Variants in USP24 observed in about 807,000 individuals in gnomAD.
USP24 encodes ubiquitin specific peptidase 24.
USP24 carries 97 observed loss-of-function variants against 361.6 expected under a neutral mutation model. The observed-to-expected ratio is 0.27, with a 90% CI of 0.23 to 0.32. The LOEUF is 0.32. Among genes scored for constraint, USP24 ranks in the 10% least tolerant of loss-of-function variants. The pLI, the probability that USP24 is intolerant of heterozygous loss-of-function variation, is 1.00. For synonymous variants in USP24, 1,098 were observed against 1,124.6 expected (o/e 0.98, Z 0.47); for missense variants, 2,353 against 3,165.6 (o/e 0.74, Z 6.16).
chr1:55,115,175 G>A (rs920764139), intron 38 of USP24, among the ~76,000 whole-genome samples: 10 of 151,970 alleles, frequency 6.6e-5, no homozygotes, highest in African/African-American at 9.7e-5. Context: ...AATCAAAACC[G>A]CAATGAGATA....
At chr1:55,089,863 G>T in intron 54 of USP24, 123 bp from the exon 55 acceptor site, 1 of 645,502 alleles carries the variant, frequency 1.5e-6, no homozygotes. Flanking sequence ...GTCTCTCGTG[G>T]GTAGAGTGGA....
intron 38 of USP24, among the ~76,000 whole-genome samples, chr1:55,113,744 A>G (rs1029955758): frequency 6.6e-6 from 1 of 152,140 alleles, no homozygotes; most frequent in Non-Finnish European, 1.5e-5. Context: ...TAAACTAGGT[A>G]TTGATGGAAC....
intron 56 of USP24, 34 bp downstream of exon 56, chr1:55,085,908 A>G (rs776687595): frequency 4.4e-6 from 7 of 1,581,862 alleles, no homozygotes; most frequent in Non-Finnish European, 5.2e-6. Context: ...GTAAAAACAC[A>G]GTGTATAAAT....
In USP24 at chr1:55,120,726, T is replaced by C. The variant is rs1271011153; in HGVS notation, c.4378A>G (p.Thr1460Ala). The C allele has an allele frequency of 6.4e-7, 1 of 1,573,482 alleles. No homozygotes were observed. ...GCTGATGTGTCTGTCTGACTAAGAG[T>C]GTACAGCTGATCACAGGCAACCCGG... ...IRRVACDQLYTLSQTDTSAHP... is the reference protein window; with the variant it reads ...IRRVACDQLYALSQTDTSAHP... Residue 1460 changes from threonine to alanine, a missense_variant, in exon 38 of 68, where the codon ACT (threonine) becomes GCT (alanine). Coordinates refer to ENST00000294383, the MANE Select transcript of USP24 (RefSeq NM_015306.3).
chr1:55,128,880 AT>A (rs1308567553), intron 32 of USP24, among the ~76,000 whole-genome samples: 2 of 151,298 alleles, frequency 1.3e-5, no homozygotes, highest in African/African-American at 4.9e-5. Flanking sequence ...ACACTCAACT[AT>A]TTTTTTATTT....
In USP24 at chr1:55,214,939, C is replaced by T. The variant is rs1298927281; in HGVS notation, c.175G>A (p.Gly59Ser). ...DYGGYEPMDS[G>S]GGPSPGPGGG... ...CCGGGCCCGGGGCTGGGGCCACCGCCGCTGTCCATGGGCTCGTAGCCGCCG... is the reference window on the plus strand; with the variant it reads ...CCGGGCCCGGGGCTGGGGCCACCGCTGCTGTCCATGGGCTCGTAGCCGCCG... The change falls in exon 1 of 68, where the codon GGC (glycine) becomes AGC (serine). Residue 59 changes from glycine (G) to serine (S), a missense_variant. This residue lies in a region of USP24 where 253 missense variants were observed against 255.3 expected (regional missense o/e 0.99). Transcript: ENST00000294383. 6 of 1,385,998 alleles carry T rather than the reference C, an allele frequency of 4.3e-6. 1 individual carries two copies. In the South Asian group the frequency reaches 9.0e-5, roughly 21 times the overall value. The allele number at this position is 1,385,998 out of a possible 1,614,324, so 85.9% of individuals were successfully genotyped here. A position where few individuals can be genotyped will look rare whatever the true frequency, so the allele number is the denominator to read the frequency against.
At chr1:55,129,327 A>G in intron 32 of USP24, 150 bp downstream of exon 32, 1 of 536,594 alleles carries the variant, frequency 1.9e-6, no homozygotes, top group South Asian at 3.5e-5. Flanking sequence ...AAATATTTTA[A>G]AGGACTGAAA....
chr1:55,071,955 G>C, intron 66 of USP24, 31 bp from the exon 67 acceptor site: 1 of 1,571,936 alleles, frequency 6.4e-7, no homozygotes, highest in South Asian at 1.2e-5. Context: ...AGACGACAAA[G>C]TTAGGGCCCA....
At chr1:55,214,096 C>A (rs1176605041) in intron 1 of USP24, among the ~76,000 whole-genome samples, 1 of 152,026 alleles carries the variant, frequency 6.6e-6, no homozygotes, top group Non-Finnish European at 1.5e-5. Context: ...GGCCTCCCAC[C>A]TCTGCCCTCT....
chr1:55,075,540 CA>C lies in USP24; in HGVS notation c.7381-18del. ...TTCAATAACCTGGGAAAGGAAGAAA[CA>C]AAAATTAGTAAATAAAAGAAGGAAC... On this transcript the variant is annotated intron_variant, in intron 62 of 67. Coordinates refer to ENST00000294383, the MANE Select transcript of USP24 (RefSeq NM_015306.3). 1 of 1,573,682 alleles carries C rather than the reference CA, an allele frequency of 6.4e-7. No homozygotes were observed. The highest frequency in any genetic ancestry group is 8.6e-7 in the Non-Finnish European group (1 of 1,160,118).
At chr1:55,136,321 G>A (rs1298980027) in intron 28 of USP24, among the ~76,000 whole-genome samples, 2 of 152,114 alleles carry the variant, frequency 1.3e-5, no homozygotes, top group Non-Finnish European at 2.9e-5. Context: ...GGTGAGAGAA[G>A]CTCACAGGAG....
intron 10 of USP24, among the ~76,000 whole-genome samples, chr1:55,157,706 C>T (rs757806434): frequency 2.6e-5 from 4 of 151,796 alleles, no homozygotes; most frequent in Admixed American, 6.6e-5. Context: ...TAGTCGTGGG[C>T]GCCTGTAATC....
chr1:55,120,970 T>C (rs1407663705), intron 37 of USP24, among the ~76,000 whole-genome samples: 3 of 152,220 alleles, frequency 2.0e-5, no homozygotes, highest in Admixed American at 6.5e-5. Context: ...ATTATTCTAC[T>C]ATTCTACTCT....
At chr1:55,186,365 G>C (rs1644130984) in intron 1 of USP24, among the ~76,000 whole-genome samples, 1 of 152,150 alleles carries the variant, frequency 6.6e-6, no homozygotes, top group East Asian at 1.9e-4. Context: ...TAACACTATG[G>C]AGGTTTCTCA....
Position 55,120,746 on chromosome 1 carries a change from A to C in USP24, c.4358T>G (p.Val1453Gly). The C allele has an allele frequency of 6.4e-7, 1 of 1,568,180 alleles. No individual in the cohort carries two copies. Among genetic ancestry groups the C allele is most frequent in the Admixed American group, 1.9e-5 (1 of 52,964 alleles). The change falls in exon 38 of 68, where the codon GTT becomes GGT. Residue 1453 changes from valine to glycine, a missense_variant. Physicochemically the swap from Val to Gly is moderately radical, Grantham distance 109. This residue lies in a region of USP24 where 949 missense variants were observed against 1,280.5 expected (regional missense o/e 0.74). Transcript: ENST00000294383. ...AAGAGTGTACAGCTGATCACAGGCA[A>C]CCCGGCGAATCTGAAATTACATGAT... Reference protein sequence around the residue: ...LGSPSAEIRRVACDQLYTLSQ... With the variant: ...LGSPSAEIRRGACDQLYTLSQ...
chr1:55,168,533 G>C (rs995527171), intron 5 of USP24, among the ~76,000 whole-genome samples: 10 of 152,128 alleles, frequency 6.6e-5, no homozygotes, highest in Non-Finnish European at 1.2e-4. Flanking sequence ...CAGAGCCCTG[G>C]TGACCGTAAG....
At chr1:55,081,217 AG>A (rs1390472340) in intron 59 of USP24, 104 bp downstream of exon 59, 1 of 1,159,306 alleles carries the variant, frequency 8.6e-7, no homozygotes, top group African/African-American at 1.6e-5. Context: ...TCAACTAGCA[AG>A]TAGTCGAATG....
At position 55,095,272 on chromosome 1, in the gene USP24, T is replaced by C. The variant is rs1333106018; in HGVS notation, c.6186A>G (p.Glu2062=). 2 of 1,613,716 alleles carry C rather than the reference T, an allele frequency of 1.2e-6. No individual in the cohort carries two copies. The highest frequency in any genetic ancestry group is 1.7e-6 in the Non-Finnish European group (2 of 1,179,782). Residue 2062 remains glutamate, a synonymous_variant, in exon 51 of 68, where the codon GAA becomes GAG. Coordinates refer to ENST00000294383, the MANE Select transcript of USP24 (RefSeq NM_015306.3). ...ACACTTACAGAGAGAGATCCTCAGC[T>C]TCCTGCCGTACAACGCTGACTCGAC... The part of the protein sequence containing the change: ...KKSRVSVVRQ[E]AEDLSLSAPS...
chr1:55,075,005 C>T (rs1218033889), intron 63 of USP24, among the ~76,000 whole-genome samples: 2 of 152,082 alleles, frequency 1.3e-5, no homozygotes, highest in African/African-American at 4.8e-5. Context: ...AAGCCCTGCC[C>T]AAACAACTTA....
Sources: gnomAD v4.1 joint callset for allele counts (sites outside exome capture counted in the v4.1 genomes callset) on GRCh38, gnomAD v4.1.1 for gene constraint, gnomAD v4.1.1 regional missense constraint, MANE v1.5 for transcripts, NCBI Gene and HGNC (gene_info 2026-07-23, HGNC 2026-07-21) for gene names.